The following ENTPD1 variants were observed in gnomAD, a reference collection of about 807,000 sequenced individuals.
The protein encoded by ENTPD1 is ectonucleoside triphosphate diphosphohydrolase 1.
Under a neutral mutation model 57.0 loss-of-function variants are expected in ENTPD1, and 33 were observed. The observed-to-expected ratio is 0.58, with a 90% CI of 0.44 to 0.77. The LOEUF (loss-of-function observed/expected upper bound fraction) is 0.77, where lower values mean the gene tolerates loss of function less well. ENTPD1 is among the 30% of genes least tolerant of loss of function. ENTPD1 has a pLI of 0.00. For synonymous variants in ENTPD1, 202 were observed against 218.8 expected, an observed-to-expected ratio of 0.92 and a Z score of 0.68; for missense variants, 501 against 603.4, an observed-to-expected ratio of 0.83 and a Z score of 1.78.
intron 1 of ENTPD1, among the ~76,000 whole-genome samples, chr10:95,749,328 G>T (rs1410072018): frequency 6.6e-6 from 1 of 152,164 alleles, no homozygotes; most frequent in African/African-American, 2.4e-5. Context: ...TGACTATGTG[G>T]ATCTCAATAT....
intron 7 of ENTPD1, among the ~76,000 whole-genome samples, chr10:95,855,689 C>T (rs1183312814): frequency 6.6e-6 from 1 of 152,170 alleles, no homozygotes; most frequent in East Asian, 1.9e-4. Flanking sequence ...TTCTCCTTCA[C>T]TTATGAAGCT....
chr10:95,734,623 A>C (rs1186504129), intron 1 of ENTPD1, among the ~76,000 whole-genome samples: 1 of 152,262 alleles, frequency 6.6e-6, no homozygotes, highest in African/African-American at 2.4e-5. Context: ...CTCCGATTTC[A>C]TAACATAAAG....
upstream of ENTPD1, among the ~76,000 whole-genome samples, chr10:95,707,278 C>T (rs1019665848): frequency 1.3e-5 from 2 of 152,178 alleles, no homozygotes; most frequent in Non-Finnish European, 2.9e-5. Flanking sequence ...GCAGCTGCAG[C>T]CCTGCCCAGG....
chr10:95,724,374 C>T (rs4381306), intron 1 of ENTPD1, among the ~76,000 whole-genome samples: 69,883 of 151,660 alleles, frequency 0.46, 16,524 homozygotes, highest in East Asian at 0.74. Context: ...GTTACCGGGG[C>T]GGGGTGGTCC....
intron 1 of ENTPD1, among the ~76,000 whole-genome samples, chr10:95,745,870 C>T (rs2098005537): frequency 6.6e-6 from 1 of 152,146 alleles, no homozygotes; most frequent in Admixed American, 6.5e-5. Flanking sequence ...AAGAGTTGGC[C>T]ATTCTGCCAC....
At chr10:95,816,219 G>A (rs1274589408) in intron 1 of ENTPD1, among the ~76,000 whole-genome samples, 2 of 152,146 alleles carry the variant, frequency 1.3e-5, no homozygotes, top group East Asian at 1.9e-4. Context: ...ATCATTTTTA[G>A]AGAGGCAATG....
intron 1 of ENTPD1, among the ~76,000 whole-genome samples, chr10:95,769,157 AGGG>A (rs1262687680): frequency 1.3e-5 from 2 of 152,256 alleles, no homozygotes; most frequent in Non-Finnish European, 2.9e-5. Flanking sequence ...TAGAGTGACT[AGGG>A]CTGTCAGAGT....
intron 1 of ENTPD1, among the ~76,000 whole-genome samples, chr10:95,822,985 C>G (rs1430698644): frequency 6.6e-6 from 1 of 152,232 alleles, no homozygotes; most frequent in Non-Finnish European, 1.5e-5. Context: ...CATTCCATAT[C>G]TGATCACTGA....
chr10:95,743,391 T>C (rs1432559887), intron 1 of ENTPD1, among the ~76,000 whole-genome samples: 1 of 152,202 alleles, frequency 6.6e-6, no homozygotes, highest in Non-Finnish European at 1.5e-5. Flanking sequence ...GTTTTTCCAC[T>C]GTAAAGTCAC....
intron 1 of ENTPD1, among the ~76,000 whole-genome samples, chr10:95,821,996 CTTTTTT>C (rs71034351): frequency 1.1e-5 from 1 of 92,916 alleles, no homozygotes. Flanking sequence ...TAGCTTTTGC[CTTTTTT>C]TTTTTTTTTT....
chr10:95,803,924 T>C (rs1162048194), intron 1 of ENTPD1, among the ~76,000 whole-genome samples: 1 of 152,252 alleles, frequency 6.6e-6, no homozygotes, highest in African/African-American at 2.4e-5. Context: ...TACATATGGC[T>C]AGCCAGTTTT....
chr10:95,727,135 A>G (rs2097984541), intron 1 of ENTPD1, among the ~76,000 whole-genome samples: 1 of 152,178 alleles, frequency 6.6e-6, no homozygotes, highest in Non-Finnish European at 1.5e-5. Context: ...TGGACAAAAC[A>G]TGGAGCTCTA....
intron 2 of ENTPD1, among the ~76,000 whole-genome samples, chr10:95,825,045 G>T (rs954111478): frequency 6.6e-6 from 1 of 152,186 alleles, no homozygotes; most frequent in African/African-American, 2.4e-5. Context: ...TTGTATTCTG[G>T]TGATGGCTTT....
chr10:95,744,163 C>G (rs1449674159), intron 1 of ENTPD1, among the ~76,000 whole-genome samples: 2 of 151,832 alleles, frequency 1.3e-5, no homozygotes, highest in African/African-American at 4.8e-5. Flanking sequence ...CCTTACTTGT[C>G]TATAACCTTC....
intron 1 of ENTPD1, among the ~76,000 whole-genome samples, chr10:95,807,664 T>C (rs1294020907): frequency 1.3e-5 from 2 of 152,224 alleles, no homozygotes; most frequent in African/African-American, 4.8e-5. Context: ...TCTGACTTTT[T>C]TGAGCAGTGT....
rs1201093011 is a variant in ENTPD1 at position 95,874,998 on chromosome 10, C to T, written c.*8615C>T. On this transcript the variant is annotated 3_prime_UTR_variant, in exon 10 of 10. Transcript: ENST00000371205. ...CAGCCCACAAAACCACTTTTTCCTC[C>T]TGGGCCTCTGGGCCTGTGATGGGAG... The T allele has an allele frequency of 6.6e-6, 1 of 152,274 alleles. No individual in the cohort carries two copies. Among genetic ancestry groups the T allele is most frequent in the East Asian group, 1.9e-4 (1 of 5,198 alleles). The allele number at this position is 152,274 out of a possible 1,614,324, so 9.4% of individuals were successfully genotyped here.
chr10:95,717,337 G>GTTT (rs10609572), intron 1 of ENTPD1, among the ~76,000 whole-genome samples: 5 of 125,952 alleles, frequency 4.0e-5, no homozygotes, highest in African/African-American at 1.2e-4. Flanking sequence ...GATCTGCAGG[G>GTTT]TTTTTTTTTT....
chr10:95,725,446 T>C (rs528099640), intron 1 of ENTPD1, among the ~76,000 whole-genome samples: 2 of 152,346 alleles, frequency 1.3e-5, no homozygotes, highest in South Asian at 4.1e-4. Flanking sequence ...TGAACTAATA[T>C]AGCAACTCGG....
In ENTPD1 at chr10:95,770,228, T is replaced by A. The variant is rs75375971; in HGVS notation, c.16+13973T>A. ...AGGAAGAGAAACCGTCCAAGAAGAT[T>A]GAGAGAGAGAGAGAGAGTGAGTGAG... is the stretch of plus-strand genomic sequence containing the variant. On this transcript the variant is annotated intron_variant, in intron 1 of 9. Coordinates refer to ENST00000371205, the MANE Select transcript of ENTPD1 (RefSeq NM_001776.6). 7.4e-3 allele frequency among the ~76,000 whole-genome samples: 791 copies of A among 106,254 alleles called. 5 individuals carry two copies. The highest frequency in any genetic ancestry group is 0.022 in the East Asian group (87 of 3,956). The allele number at this position is 106,254 out of a possible 152,430, so 69.7% of individuals were successfully genotyped here.
Sources: gnomAD v4.1 joint callset for allele counts (sites outside exome capture counted in the v4.1 genomes callset) on GRCh38, gnomAD v4.1.1 for gene constraint, MANE v1.5 for transcripts, NCBI Gene and HGNC (gene_info 2026-07-23, HGNC 2026-07-21) for gene names.